APBB2: variants seen among roughly 807,000 people sequenced by gnomAD.
The protein encoded by APBB2 is Fe65-like 1.
APBB2 carries 38 observed loss-of-function variants against 82.5 expected under a neutral mutation model. The observed-to-expected ratio is 0.46, with a 90% CI of 0.36 to 0.60. APBB2 has a LOEUF of 0.60. Ranked by LOEUF, APBB2 falls within the 20% of genes least tolerant of loss-of-function variation. The pLI is 0.00. For synonymous variants in APBB2, 341 were observed against 368.2 expected (o/e 0.93, Z 0.85); for missense variants, 772 against 972.3 (o/e 0.79, Z 2.74).
intron 8 of APBB2, 132 bp downstream of exon 8, chr4:40,934,945 T>C (rs1440959831): frequency 3.8e-6 from 3 of 779,296 alleles, no homozygotes; most frequent in Non-Finnish European, 6.1e-6. Context: ...GTGAGCTGAA[T>C]GCCCCTAGCA....
intron 10 of APBB2, among the ~76,000 whole-genome samples, chr4:40,912,608 T>C (rs1228944186): frequency 6.6e-6 from 1 of 151,776 alleles, no homozygotes. Flanking sequence ...AGCTCAGTTA[T>C]TGCAAAAGTA....
chr4:40,847,653 A>G (rs367597716), intron 12 of APBB2, among the ~76,000 whole-genome samples: 7 of 152,180 alleles, frequency 4.6e-5, no homozygotes, highest in African/African-American at 1.7e-4. Flanking sequence ...CACGGTGAGC[A>G]CCCAGCCACA....
chr4:41,129,040 T>C (rs1320634345), intron 2 of APBB2, among the ~76,000 whole-genome samples: 1 of 152,080 alleles, frequency 6.6e-6, no homozygotes, highest in East Asian at 1.9e-4. Context: ...CCAAATCCTA[T>C]TAATCCTACC....
chr4:40,967,338 G>A (rs982873143), intron 6 of APBB2, among the ~76,000 whole-genome samples: 3 of 152,176 alleles, frequency 2.0e-5, no homozygotes, highest in African/African-American at 7.2e-5. Context: ...CACAAACAGG[G>A]TTGAAACACG....
chr4:40,861,572 G>C (rs1458396865), intron 12 of APBB2, among the ~76,000 whole-genome samples: 1 of 152,144 alleles, frequency 6.6e-6, no homozygotes. Context: ...TAAAACATCT[G>C]CTTTTGTGAA....
intron 3 of APBB2, among the ~76,000 whole-genome samples, chr4:41,078,793 C>T (rs150478521): frequency 1.3e-5 from 2 of 152,246 alleles, no homozygotes; most frequent in African/African-American, 2.4e-5. Context: ...ATCCTTATGT[C>T]GGGAGAAGGA....
At chr4:41,083,747 G>A (rs979539789) in intron 3 of APBB2, among the ~76,000 whole-genome samples, 4 of 146,620 alleles carry the variant, frequency 2.7e-5, no homozygotes, top group Admixed American at 6.9e-5. Flanking sequence ...CTGTTGTAAA[G>A]GTAGAAGTTT....
intron 12 of APBB2, among the ~76,000 whole-genome samples, chr4:40,879,508 G>A (rs1767821610): frequency 6.6e-6 from 1 of 152,102 alleles, no homozygotes; most frequent in Non-Finnish European, 1.5e-5. Flanking sequence ...TTTAGCCTTT[G>A]AAGGGCAGCA....
At chr4:40,997,405 T>G (rs62412083) in intron 6 of APBB2, among the ~76,000 whole-genome samples, 1 of 152,194 alleles carries the variant, frequency 6.6e-6, no homozygotes, top group Non-Finnish European at 1.5e-5. Context: ...CTTTAAACTC[T>G]ACCTTACAAA....
intron 12 of APBB2, among the ~76,000 whole-genome samples, chr4:40,852,260 A>G (rs2154327058): frequency 6.6e-6 from 1 of 150,972 alleles, no homozygotes; most frequent in Middle Eastern, 3.4e-3. Context: ...CTGAGGCAGG[A>G]GAATCGCTTG....
intron 6 of APBB2, among the ~76,000 whole-genome samples, chr4:41,006,389 C>A (rs147611760): frequency 2.4e-3 from 364 of 152,274 alleles, no homozygotes; most frequent in African/African-American, 8.3e-3. Context: ...CACCCAAGGT[C>A]CTTAAAAGAT....
intron 10 of APBB2, among the ~76,000 whole-genome samples, chr4:40,904,362 C>A (rs963399545): frequency 1.3e-5 from 2 of 151,850 alleles, no homozygotes; most frequent in African/African-American, 4.8e-5. Flanking sequence ...ACCTGGGAGG[C>A]GCAGGTTGCA....
intron 4 of APBB2, among the ~76,000 whole-genome samples, chr4:41,055,614 T>G (rs1361110665): frequency 6.6e-6 from 1 of 152,148 alleles, no homozygotes; most frequent in East Asian, 1.9e-4. Context: ...CAACTTTTCT[T>G]GGTTGTCACA....
intron 3 of APBB2, among the ~76,000 whole-genome samples, chr4:41,076,128 T>G (rs1447113451): frequency 6.6e-6 from 1 of 152,048 alleles, no homozygotes; most frequent in Non-Finnish European, 1.5e-5. Flanking sequence ...AATGGCCCAA[T>G]GATGAGTGAA....
At chr4:41,068,690 C>T (rs1345227287) in intron 3 of APBB2, among the ~76,000 whole-genome samples, 1 of 151,636 alleles carries the variant, frequency 6.6e-6, no homozygotes, top group South Asian at 2.1e-4. Context: ...AGCAAAAGAT[C>T]TGGAAGATGT....
At chr4:40,982,747 C>T (rs558367915) in intron 6 of APBB2, among the ~76,000 whole-genome samples, 8 of 151,224 alleles carry the variant, frequency 5.3e-5, no homozygotes, top group South Asian at 4.2e-4. Flanking sequence ...GCTGTGATCA[C>T]GCCACTGCAC....
chr4:40,934,258 G>A (rs1462522736), intron 10 of APBB2, among the ~76,000 whole-genome samples, 198 bp downstream of exon 10: 1 of 152,166 alleles, frequency 6.6e-6, no homozygotes, highest in Non-Finnish European at 1.5e-5. Context: ...AGTCTTGATG[G>A]TTCTAGAAAT....
intron 3 of APBB2, among the ~76,000 whole-genome samples, chr4:41,077,704 C>A (rs1017596682): frequency 3.3e-5 from 5 of 152,188 alleles, no homozygotes; most frequent in African/African-American, 1.2e-4. Context: ...TCCATCTACA[C>A]ATGCTTTCTC....
chr4:40,875,205 G>A (rs1271044815), intron 12 of APBB2, among the ~76,000 whole-genome samples: 1 of 152,232 alleles, frequency 6.6e-6, no homozygotes, highest in South Asian at 2.1e-4. Context: ...GTTGCTGATT[G>A]TCAAGGACAC....
Sources: allele counts gnomAD v4.1 joint callset (sites outside exome capture counted in the v4.1 genomes callset), GRCh38; gene constraint gnomAD v4.1.1; transcripts MANE v1.5; gene names NCBI Gene and HGNC (gene_info 2026-07-23, HGNC 2026-07-21).